PTPRB: variants seen among roughly 807,000 people sequenced by gnomAD.
PTPRB encodes protein tyrosine phosphatase receptor type B.
Under a neutral mutation model 238.1 loss-of-function variants are expected in PTPRB, and 97 were observed. The observed-to-expected ratio is 0.41, with a 90% CI of 0.35 to 0.48. The LOEUF (loss-of-function observed/expected upper bound fraction) is 0.48. Ranked by LOEUF, PTPRB falls within the 20% of genes least tolerant of loss-of-function variation. PTPRB has a pLI of 0.30. For synonymous variants in PTPRB, 970 were observed against 995.4 expected (o/e 0.97, Z 0.48); for missense variants, 2,292 against 2,681.9 (o/e 0.85, Z 3.21).
Position 70,566,551 on chromosome 12 carries a change from G to C in PTPRB, c.3788C>G (p.Ala1263Gly). 1 of 1,613,974 alleles carries C rather than the reference G, an allele frequency of 6.2e-7. No homozygotes were observed. Among genetic ancestry groups the C allele is most frequent in the African/African-American group, 1.3e-5 (1 of 75,030 alleles). Reference sequence around the variant, plus strand: ...TTCAAATTTGTGTTGCTTAGTGGTGGCTGGCTCTGATGTGTTGCGCAGAAG... The same window carrying C: ...TTCAAATTTGTGTTGCTTAGTGGTGCCTGGCTCTGATGTGTTGCGCAGAAG... ...GILLRNTSEP[A>G]TTKQHKFEDL... Residue 1263 changes from alanine (A) to glycine (G), a missense_variant, in exon 15 of 34, where the codon GCC (alanine) becomes GGC (glycine). Ala to Gly is a moderately conservative substitution (Grantham distance 60). Around this residue, in one of 4 missense-constraint regions of PTPRB, gnomAD observed 683 missense variants for 862.0 expected, o/e 0.79. Transcript: ENST00000334414.
chr12:70,533,498 C>CTTGT (rs1261631313), intron 31 of PTPRB, among the ~76,000 whole-genome samples: 4 of 151,964 alleles, frequency 2.6e-5, no homozygotes, highest in African/African-American at 9.7e-5. Context: ...AGAGATTTCA[C>CTTGT]TTGTTAGGTT....
chr12:70,528,489 C>G lies in PTPRB; in HGVS notation c.6504+3546G>C, dbSNP rs78469787. On this transcript the variant is annotated intron_variant, in intron 32 of 33. Transcript: ENST00000334414. ...ATTAGCAGGGCTAATGAGAGTTGAT[C>G]AAGGGCAGTGGCAGTGGGATGAGGG... 3.4e-4 allele frequency among the ~76,000 whole-genome samples: 21 copies of G among 62,450 alleles called. 1 individual carries two copies. Among genetic ancestry groups the G allele is most frequent in the African/African-American group, 1.7e-3 (21 of 12,320 alleles). 41.0% of individuals were successfully genotyped at this position (62,450 alleles called of 152,430 possible). A position where few individuals can be genotyped will look rare whatever the true frequency, so the allele number is the denominator to read the frequency against.
intron 32 of PTPRB, among the ~76,000 whole-genome samples, chr12:70,530,475 AAT>A (rs759319369): frequency 3.4e-5 from 5 of 146,634 alleles, no homozygotes; most frequent in South Asian, 2.1e-4. Flanking sequence ...ACATATATGC[AAT>A]ATGACATGTA....
At chr12:70,568,272 G>A (rs1879563989) in intron 14 of PTPRB, among the ~76,000 whole-genome samples, 2 of 151,998 alleles carry the variant, frequency 1.3e-5, no homozygotes, top group South Asian at 2.1e-4. Context: ...GGTTCTTGAG[G>A]TCAGGGGCTT....
chr12:70,617,790 C>A (rs1317190711), intron 3 of PTPRB, among the ~76,000 whole-genome samples: 1 of 148,838 alleles, frequency 6.7e-6, no homozygotes, highest in Non-Finnish European at 1.5e-5. Flanking sequence ...AAGCCCAGAC[C>A]AGTACCACAA....
In PTPRB at chr12:70,519,230, C is replaced by T. The variant is rs1027821304; in HGVS notation, c.*2259G>A. 7 of 152,120 alleles carry T rather than the reference C, an allele frequency of 4.6e-5. No individual in the cohort carries two copies. Among genetic ancestry groups the T allele is most frequent in the African/African-American group, 1.7e-4 (7 of 41,420 alleles). 9.4% of individuals were successfully genotyped at this position (152,120 alleles called of 1,614,324 possible). A position where few individuals can be genotyped will look rare whatever the true frequency, so the allele number is the denominator to read the frequency against. ...AGTACGTGAGTGTTATTTACTATTA[C>T]AGATGCATAGGTTTTTTTTATGGTT... On this transcript the variant is annotated 3_prime_UTR_variant, in exon 34 of 34. Coordinates refer to ENST00000334414, the MANE Select transcript of PTPRB (RefSeq NM_001109754.4).
intron 2 of PTPRB, among the ~76,000 whole-genome samples, chr12:70,632,102 C>A (rs1244803902): frequency 2.6e-5 from 4 of 152,142 alleles, no homozygotes; most frequent in Non-Finnish European, 5.9e-5. Context: ...GATTATAAAT[C>A]AAGCTACTAT....
rs753095006 is a variant in PTPRB, at chr12:70,569,832, C to T, written c.3477G>A (p.Ser1159=). The T allele has an allele frequency of 1.7e-5, 27 of 1,613,786 alleles. No homozygotes were observed. The highest frequency in any genetic ancestry group is 2.7e-5 in the African/African-American group (2 of 74,886). The change falls in exon 14 of 34, where the codon TCG becomes TCA. Residue 1159 remains serine (S), a synonymous_variant. Coordinates refer to ENST00000334414, the MANE Select transcript of PTPRB (RefSeq NM_001109754.4). ...CAACCTTTTGACTGTGCCTGAATGC[C>T]GACACCGTGTAGGAATCAACGTCTC... The part of the protein sequence containing the change: ...GGGDVDSYTV[S]AFRHSQKVDS...
At position 70,630,192 on chromosome 12, in the gene PTPRB, C is replaced by T. The variant is rs555144112; in HGVS notation, c.451+5479G>A. ...CAATAAAATACTGGCAAACCGAATC[C>T]AGCAGCATATCAAAAAGCTTATCCA... On this transcript the variant is annotated intron_variant, in intron 2 of 33. Transcript: ENST00000334414. 2.6e-5 allele frequency among the ~76,000 whole-genome samples: 4 copies of T among 152,252 alleles called. No homozygotes were observed. The East Asian group carries it at 7.7e-4, about 29-fold the overall frequency.
chr12:70,576,342 A>C (rs757276519), intron 11 of PTPRB, 40 bp downstream of exon 11: 1 of 1,594,498 alleles, frequency 6.3e-7, no homozygotes, highest in Non-Finnish European at 8.5e-7. Flanking sequence ...CCACATGTGA[A>C]TTGGTTCTTA....
chr12:70,541,820 C>T (rs1046855206), intron 22 of PTPRB: 2 of 152,120 alleles, frequency 1.3e-5, no homozygotes, highest in African/African-American at 4.8e-5. Context: ...GTTGAATAAT[C>T]GTCCATTGTA....
chr12:70,586,060 G>T (rs921003725), intron 9 of PTPRB, among the ~76,000 whole-genome samples: 5 of 152,090 alleles, frequency 3.3e-5, no homozygotes, highest in Admixed American at 3.3e-4. Context: ...ATGGACATTC[G>T]GGTTGGTTCC....
intron 4 of PTPRB, 64 bp from the exon 5 acceptor site, chr12:70,596,391 A>G: frequency 1.5e-6 from 2 of 1,313,656 alleles, no homozygotes; most frequent in Non-Finnish European, 1.9e-6. Context: ...AAAAAAGAAC[A>G]TGGCTTGAAG....
At chr12:70,528,803 T>C (rs1247564092) in intron 32 of PTPRB, among the ~76,000 whole-genome samples, 2 of 152,272 alleles carry the variant, frequency 1.3e-5, no homozygotes, top group Non-Finnish European at 2.9e-5. Flanking sequence ...TTAAAAAATA[T>C]AAGAAGTCAG....
intron 4 of PTPRB, among the ~76,000 whole-genome samples, chr12:70,598,686 G>T (rs1279912125): frequency 1.3e-5 from 2 of 152,138 alleles, no homozygotes; most frequent in African/African-American, 4.8e-5. Context: ...GCATTTTAAG[G>T]ACAAGGATGA....
At chr12:70,592,219 A>G (rs1034941976) in intron 7 of PTPRB, 63 bp downstream of exon 7, 3 of 1,607,988 alleles carry the variant, frequency 1.9e-6, no homozygotes, top group African/African-American at 1.3e-5. Context: ...ATTTTGTCCT[A>G]TTTTAAGGTG....
At chr12:70,617,500 G>A (rs1010297160) in intron 3 of PTPRB, among the ~76,000 whole-genome samples, 3 of 152,014 alleles carry the variant, frequency 2.0e-5, no homozygotes, top group Admixed American at 6.6e-5. Flanking sequence ...CCTCTCCCCC[G>A]CTACTTCTTT....
rs1882575167 is a variant in PTPRB, at chr12:70,592,388, A to G, written c.1674T>C (p.Ile558=). ...IKESRVLAPW[I]TETHFKELVP... is the part of the protein sequence containing the mutation. Reference sequence around the variant, plus strand: ...CTAACTCTTTAAAGTGAGTTTCAGTAATCCAAGGTGCTAATACTCTGGATT... The same window carrying G: ...CTAACTCTTTAAAGTGAGTTTCAGTGATCCAAGGTGCTAATACTCTGGATT... The change falls in exon 7 of 34, where the codon ATT becomes ATC. Residue 558 remains isoleucine (I), a synonymous_variant. Transcript: ENST00000334414. The G allele has an allele frequency of 1.2e-6, 2 of 1,613,784 alleles. No individual in the cohort carries two copies. The highest frequency in any genetic ancestry group is 3.3e-5 in the Admixed American group (2 of 59,988).
At chr12:70,609,863 G>C (rs1566011022) in intron 3 of PTPRB, 1 of 1,540,434 alleles carries the variant, frequency 6.5e-7, no homozygotes, top group Admixed American at 2.0e-5. Context: ...CTGGACGTGG[G>C]ACGGCCCGAG....
Sources: gnomAD v4.1 joint callset for allele counts (sites outside exome capture counted in the v4.1 genomes callset) on GRCh38, gnomAD v4.1.1 for gene constraint, gnomAD v4.1.1 regional missense constraint, MANE v1.5 for transcripts, NCBI Gene and HGNC (gene_info 2026-07-23, HGNC 2026-07-21) for gene names.